PCDHA8: variants seen among roughly 807,000 people sequenced by gnomAD.
PCDHA8 encodes the protein protocadherin alpha-8.
A neutral mutation model predicts 61.8 loss-of-function variants in PCDHA8; 53 were observed. The ratio of observed to expected loss-of-function variants is 0.86; its 90% CI spans 0.69 to 1.08. The LOEUF (loss-of-function observed/expected upper bound fraction) is 1.08, where lower values mean the gene tolerates loss of function less well. Among genes scored for constraint, PCDHA8 ranks in the 50% least tolerant of loss-of-function variants. The probability of loss-of-function intolerance (pLI) is 0.00; values close to 1 mark genes in which losing one functional copy is unlikely to be tolerated. For missense variants in PCDHA8, 1,293 were observed against 1,245.0 expected (o/e 1.04, Z -0.58); for synonymous variants, 618 against 556.6 (o/e 1.11, Z -1.55).
At chr5:140,877,958 C>A in intron 1 of PCDHA8, 1 of 1,319,110 alleles carries the variant, frequency 7.6e-7, no homozygotes, top group Non-Finnish European at 1.0e-6. Flanking sequence ...AATGTCTCAT[C>A]TTTCTTGGTC....
chr5:140,869,210 C>T (rs781978731), intron 1 of PCDHA8: 2 of 1,613,814 alleles, frequency 1.2e-6, no homozygotes, highest in African/African-American at 2.7e-5. Context: ...TACTCCGTCT[C>T]GGAGGAGGCC....
intron 1 of PCDHA8, among the ~76,000 whole-genome samples, chr5:140,885,442 T>A (rs2060596310): frequency 6.6e-6 from 1 of 152,180 alleles, no homozygotes; most frequent in African/African-American, 2.4e-5. Flanking sequence ...TGTGCAATTA[T>A]ATATTATTTA....
intron 3 of PCDHA8, among the ~76,000 whole-genome samples, chr5:140,992,995 A>C (rs1347087034): frequency 2.0e-5 from 3 of 152,202 alleles, no homozygotes; most frequent in African/African-American, 7.2e-5. Context: ...GACCCATGAA[A>C]GAGCCTCCCC....
chr5:140,948,547 A>G (rs1054072354), intron 1 of PCDHA8, among the ~76,000 whole-genome samples: 9 of 151,490 alleles, frequency 5.9e-5, no homozygotes, highest in Admixed American at 5.9e-4. Flanking sequence ...ATGCTCTGTC[A>G]ATTTTGTTAA....
intron 1 of PCDHA8, 22 bp from the exon 2 acceptor site, chr5:140,978,924 GAAA>G (rs781894146): frequency 6.2e-7 from 1 of 1,614,012 alleles, no homozygotes; most frequent in East Asian, 2.2e-5. Flanking sequence ...CATTTTAACA[GAAA>G]ACTCTCTTTG....
At chr5:140,898,497 T>G (rs1473036595) in intron 1 of PCDHA8, among the ~76,000 whole-genome samples, 2 of 152,216 alleles carry the variant, frequency 1.3e-5, no homozygotes, top group African/African-American at 4.8e-5. Flanking sequence ...ATCAGATAGT[T>G]GTAGATATGC....
chr5:140,982,507 G>T lies in PCDHA8; in HGVS notation c.2486G>T (p.Arg829Leu). Reference sequence around the variant, plus strand: ...CACCTAGAGGAGGCTGGCATTCTACGGGCTGGTCCAGGAGGGCCTGATCAG... The same window carrying T: ...CACCTAGAGGAGGCTGGCATTCTACTGGCTGGTCCAGGAGGGCCTGATCAG... The part of the protein sequence containing the change: ...SVHLEEAGIL[R>L]AGPGGPDQQW... The change falls in exon 3 of 4, where the codon CGG becomes CTG. Residue 829 changes from arginine to leucine, a missense_variant. Physicochemically the swap from Arg to Leu is moderately radical, Grantham distance 102. Coordinates refer to ENST00000531613, the MANE Select transcript of PCDHA8 (RefSeq NM_018911.3). 6.2e-7 allele frequency: 1 copy of T among 1,614,138 alleles called. No homozygotes were observed. Among genetic ancestry groups the T allele is most frequent in the Non-Finnish European group, 8.5e-7 (1 of 1,180,018 alleles).
intron 1 of PCDHA8, chr5:140,930,486 G>T (rs1211564539): frequency 6.6e-6 from 1 of 152,320 alleles, no homozygotes; most frequent in Non-Finnish European, 1.5e-5. Flanking sequence ...GCCTCCCAAA[G>T]TGCTGGGATT....
intron 1 of PCDHA8, chr5:140,883,843 C>G: frequency 6.2e-7 from 1 of 1,612,786 alleles, no homozygotes; most frequent in Non-Finnish European, 8.5e-7. Context: ...CGTTGGACCA[C>G]GAGGAGCTGG....
chr5:140,938,226 A>G lies in PCDHA8; in HGVS notation c.2395-40723A>G, dbSNP rs529190111. On this transcript the variant is annotated intron_variant, in intron 1 of 3. Transcript: ENST00000531613. ...CTCCCAAAGTGCTGGGATTACAGGC[A>G]TAGGCCACCATGCCTGGTCTTTTAA... Among the ~76,000 whole-genome samples the G allele has an allele frequency of 3.3e-5, 5 of 152,330 alleles. No individual in the cohort carries two copies. In the South Asian group the frequency reaches 1.0e-3, roughly 32 times the overall value.
At chr5:140,871,451 A>T in intron 1 of PCDHA8, 1 of 1,608,630 alleles carries the variant, frequency 6.2e-7, no homozygotes, top group Non-Finnish European at 8.5e-7. Context: ...AATAAAGAGG[A>T]GGAAGGGGAA....
At chr5:141,006,130 TAGAAAGCTTAAGC>T (rs2098257447) in intron 3 of PCDHA8, among the ~76,000 whole-genome samples, 1 of 150,362 alleles carries the variant, frequency 6.7e-6, no homozygotes. Context: ...CTCAAGGCAG[TAGAAAGCTTAAGC>T]AGAGGAGTGA....
At position 140,882,350 on chromosome 5, in the gene PCDHA8, A is replaced by G. The variant is rs782733540; in HGVS notation, c.2394+38635A>G. ...GATCCTCGCAGCCTGGGAGACGGGT[A>G]GTGGCCAGCTCCACTACTCCGTCCC... is the stretch of plus-strand genomic sequence containing the variant. On this transcript the variant is annotated intron_variant, in intron 1 of 3. Transcript: ENST00000531613. The G allele has an allele frequency of 1.9e-6, 3 of 1,614,176 alleles. No individual in the cohort carries two copies. In the Admixed American group the frequency reaches 5.0e-5, roughly 27 times the overall value.
chr5:140,854,302 G>A, intron 1 of PCDHA8: 2 of 384,722 alleles, frequency 5.2e-6, no homozygotes, highest in Non-Finnish European at 7.1e-6. Context: ...TTTTGTGCGT[G>A]GAGATGATTG....
chr5:140,985,508 A>G (rs2097155357), intron 3 of PCDHA8, among the ~76,000 whole-genome samples: 1 of 152,160 alleles, frequency 6.6e-6, no homozygotes, highest in Admixed American at 6.5e-5. Context: ...CCTTTCATTG[A>G]TTCTGTTGCC....
chr5:140,868,899 C>T (rs2050726190), intron 1 of PCDHA8: 5 of 804,894 alleles, frequency 6.2e-6, no homozygotes, highest in Admixed American at 3.0e-5. Flanking sequence ...CGCAAGGTGT[C>T]GCTCTTTACT....
intron 1 of PCDHA8, chr5:140,847,603 G>A (rs2150402221): frequency 1.3e-5 from 2 of 149,376 alleles, no homozygotes; most frequent in Non-Finnish European, 3.0e-5. Context: ...AAAACATATT[G>A]TAATAACATT....
intron 1 of PCDHA8, among the ~76,000 whole-genome samples, chr5:140,900,463 C>T (rs1319110335): frequency 6.6e-6 from 1 of 152,130 alleles, no homozygotes; most frequent in African/African-American, 2.4e-5. Flanking sequence ...TTTTAGTAGA[C>T]ACGGAGTTTC....
intron 1 of PCDHA8, among the ~76,000 whole-genome samples, chr5:140,888,878 T>G (rs1280508372): frequency 6.6e-6 from 1 of 152,132 alleles, no homozygotes; most frequent in African/African-American, 2.4e-5. Flanking sequence ...ACATAAAAAT[T>G]AAAACATTAG....
Sources: allele counts gnomAD v4.1 joint callset (sites outside exome capture counted in the v4.1 genomes callset), GRCh38; gene constraint gnomAD v4.1.1; transcripts MANE v1.5; gene names NCBI Gene and HGNC (gene_info 2026-07-23, HGNC 2026-07-21).